PARP4: variants seen among roughly 807,000 people sequenced by gnomAD.
The protein encoded by PARP4 is protein mono-ADP-ribosyltransferase PARP4.
PARP4 carries 120 observed loss-of-function variants against 187.7 expected under a neutral mutation model. That is an observed-to-expected ratio of 0.64 (90% confidence interval 0.55 to 0.74). The LOEUF (loss-of-function observed/expected upper bound fraction) is 0.74. PARP4 is among the 30% of genes least tolerant of loss of function. The pLI is 0.00. For synonymous variants in PARP4, 654 were observed against 740.9 expected, an observed-to-expected ratio of 0.88 and a Z score of 1.90; for missense variants, 1,836 against 2,070.5, an observed-to-expected ratio of 0.89 and a Z score of 2.20.
rs1214071125 is a variant in PARP4, at chr13:24,484,878, T to C, written c.1353-130A>G. ...CTCTGCAATCAGGGTGAAGCCATGGTTGTTTCCGGAAACACAAGGGAAATT... is the reference window on the plus strand; with the variant it reads ...CTCTGCAATCAGGGTGAAGCCATGGCTGTTTCCGGAAACACAAGGGAAATT... On this transcript the variant is annotated intron_variant, in intron 11 of 33. Transcript: ENST00000381989. 5 of 581,938 alleles carry C rather than the reference T, an allele frequency of 8.6e-6. No individual in the cohort carries two copies. The Admixed American group carries it at 1.1e-4, about 13-fold the overall frequency. The allele number at this position is 581,938 out of a possible 1,614,324, so 36.0% of individuals were successfully genotyped here.
intron 1 of PARP4, among the ~76,000 whole-genome samples, chr13:24,512,154 A>C (rs1019343496): frequency 4.6e-5 from 7 of 152,106 alleles, no homozygotes; most frequent in African/African-American, 1.2e-4. Context: ...TGATCTACCA[A>C]CTCGATCCCT....
At chr13:24,490,489 G>A (rs917732823) in intron 10 of PARP4, among the ~76,000 whole-genome samples, 179 bp downstream of exon 10, 6 of 152,198 alleles carry the variant, frequency 3.9e-5, no homozygotes, top group Non-Finnish European at 5.9e-5. Context: ...GTGTTTTCAA[G>A]CACAGAAAAC....
chr13:24,485,831 C>T (rs953412236), intron 11 of PARP4, among the ~76,000 whole-genome samples: 2 of 152,136 alleles, frequency 1.3e-5, no homozygotes, highest in African/African-American at 4.8e-5. Flanking sequence ...CTATATACTA[C>T]ACTTTAAAAA....
Position 24,421,153 on chromosome 13 carries a change from G to C in PARP4, c.5141C>G (p.Pro1714Arg). Residue 1714 changes from proline to arginine, a missense_variant, in exon 34 of 34, where the codon CCT becomes CGT. Transcript: ENST00000381989. ...ACTGTAATGGAGGACTCTATGAAGA[G>C]GGGACACAGTGCTTATGGGCTGGAG... ...LGLQPISTVS[P>R]LHRVLHYSQG 6.8e-7 allele frequency: 1 copy of C among 1,479,374 alleles called. No individual in the cohort carries two copies. The highest frequency in any genetic ancestry group is 1.4e-5 in the South Asian group (1 of 72,404). The allele number at this position is 1,479,374 out of a possible 1,614,324, so 91.6% of individuals were successfully genotyped here.
chr13:24,433,358 G>A (rs1182309592), intron 31 of PARP4, among the ~76,000 whole-genome samples: 1 of 152,148 alleles, frequency 6.6e-6, no homozygotes, highest in African/African-American at 2.4e-5. Context: ...GCATACTGGT[G>A]TCCCACCTTT....
At chr13:24,512,196 T>TA (rs1259709243) in intron 1 of PARP4, among the ~76,000 whole-genome samples, 2 of 152,230 alleles carry the variant, frequency 1.3e-5, no homozygotes, top group African/African-American at 4.8e-5. Flanking sequence ...TAGCAGGAAT[T>TA]ACTTAACTGA....
At chr13:24,425,975 G>A (rs1341100657) in intron 33 of PARP4, among the ~76,000 whole-genome samples, 2 of 152,194 alleles carry the variant, frequency 1.3e-5, no homozygotes, top group East Asian at 3.8e-4. Context: ...TGGTTATGAA[G>A]TTGTATTTGC....
chr13:24,447,910 T>TA (rs1871290546), intron 25 of PARP4, among the ~76,000 whole-genome samples: 1 of 152,136 alleles, frequency 6.6e-6, no homozygotes, highest in Non-Finnish European at 1.5e-5. Flanking sequence ...TGGCTGTTAT[T>TA]AAAAAACAAG....
chr13:24,505,947 C>G (rs1051146153), intron 1 of PARP4, among the ~76,000 whole-genome samples: 1 of 152,222 alleles, frequency 6.6e-6, no homozygotes, highest in African/African-American at 2.4e-5. Context: ...GAAAGCCCAC[C>G]GCCCTGCACC....
Position 24,470,010 on chromosome 13 carries a change from T to C in PARP4, c.1930A>G (p.Thr644Ala). ...GGCACGTGACTTTTATTTGTGTATG[T>C]CTGAAAAACAATGACCTGAAGAAGA... ...DTVAQVIVFQ[T>A]YTNKSHVPIE... is the part of the protein sequence containing the mutation. Residue 644 changes from threonine to alanine, a missense_variant, in exon 16 of 34, where the codon ACA becomes GCA. Transcript: ENST00000381989. The C allele has an allele frequency of 1.2e-6, 2 of 1,613,416 alleles. No homozygotes were observed. Among genetic ancestry groups the C allele is most frequent in the Non-Finnish European group, 1.7e-6 (2 of 1,179,626 alleles).
At chr13:24,507,177 C>A (rs1869756896) in intron 1 of PARP4, among the ~76,000 whole-genome samples, 2 of 152,212 alleles carry the variant, frequency 1.3e-5, no homozygotes, top group Admixed American at 6.5e-5. Context: ...CCGGTTCCGT[C>A]CTGCGCCTGC....
intron 1 of PARP4, among the ~76,000 whole-genome samples, chr13:24,506,975 C>T (rs1019594682): frequency 1.3e-5 from 2 of 152,334 alleles, no homozygotes; most frequent in African/African-American, 2.4e-5. Context: ...TAAGGCTCCA[C>T]GAGAAATCTA....
At chr13:24,476,995 G>A (rs935391311) in intron 14 of PARP4, among the ~76,000 whole-genome samples, 2 of 152,146 alleles carry the variant, frequency 1.3e-5, no homozygotes, top group Non-Finnish European at 2.9e-5. Context: ...CAAACCCTGG[G>A]CTTCCTGGCT....
rs542083149 is a variant in PARP4, at chr13:24,435,007, T to C, written c.4134A>G (p.Pro1378=). ...GTCCTGTGGGACAAGACGCCGACTG[T>C]GGGATCCAGTCAGCACAAGTGCCAG... ...PVPGTCADWI[P]QSASCPTGPP... is the part of the protein sequence containing the mutation. The change falls in exon 31 of 34, where the codon CCA becomes CCG. Residue 1378 remains proline (P), a synonymous_variant. Transcript: ENST00000381989. The C allele has an allele frequency of 6.2e-7, 1 of 1,613,856 alleles. No homozygotes were observed. Among genetic ancestry groups the C allele is most frequent in the Non-Finnish European group, 8.5e-7 (1 of 1,180,000 alleles).
intron 30 of PARP4, among the ~76,000 whole-genome samples, chr13:24,440,137 G>A (rs1162296305): frequency 6.6e-6 from 1 of 152,208 alleles, no homozygotes; most frequent in East Asian, 1.9e-4. Flanking sequence ...GCTGGGGACA[G>A]TGGCCCATGC....
chr13:24,426,067 A>T (rs1207120311), intron 33 of PARP4, among the ~76,000 whole-genome samples: 1 of 152,202 alleles, frequency 6.6e-6, no homozygotes, highest in South Asian at 2.1e-4. Context: ...ATAAACTACA[A>T]AGTTATAAAC....
intron 30 of PARP4, among the ~76,000 whole-genome samples, chr13:24,437,768 G>A (rs1870705255): frequency 1.3e-5 from 2 of 149,308 alleles, no homozygotes; most frequent in African/African-American, 2.5e-5. Flanking sequence ...GAGGCCAGGA[G>A]TTCAAAGCTG....
intron 33 of PARP4, among the ~76,000 whole-genome samples, chr13:24,423,063 CTTGTT>C (rs1214319701): frequency 6.6e-6 from 1 of 152,116 alleles, no homozygotes; most frequent in South Asian, 2.1e-4. Flanking sequence ...AAAGTTTATA[CTTGTT>C]TTAACAGCTA....
In PARP4 at chr13:24,458,402, C is replaced by A. The variant is rs557484849; in HGVS notation, c.2424+642G>T. 9.3e-5 allele frequency among the ~76,000 whole-genome samples: 14 copies of A among 150,858 alleles called. No individual in the cohort carries two copies. The East Asian group carries it at 2.7e-3, about 29-fold the overall frequency. On this transcript the variant is annotated intron_variant, in intron 20 of 33. Transcript: ENST00000381989. Reference sequence around the variant, plus strand: ...GGGATTACAGGCATGAGCCACCGCACTCAGCCAAGTTTTTTTTTTTTTTAA... The same window carrying A: ...GGGATTACAGGCATGAGCCACCGCAATCAGCCAAGTTTTTTTTTTTTTTAA...
Sources: allele counts gnomAD v4.1 joint callset (sites outside exome capture counted in the v4.1 genomes callset), GRCh38; gene constraint gnomAD v4.1.1; transcripts MANE v1.5; gene names NCBI Gene and HGNC (gene_info 2026-07-23, HGNC 2026-07-21).